The following MAP3K13 variants were observed in gnomAD, a reference collection of about 807,000 sequenced individuals.
MAP3K13 encodes leucine zipper-bearing kinase.
In MAP3K13, 52 loss-of-function variants were observed where a neutral mutation model predicts 104.0. That is an observed-to-expected ratio of 0.50 (90% confidence interval 0.40 to 0.63). MAP3K13 has a LOEUF of 0.63. Ranked by LOEUF, MAP3K13 falls within the 20% of genes least tolerant of loss-of-function variation. The probability of loss-of-function intolerance (pLI) is 0.00; values close to 1 mark genes in which losing one functional copy is unlikely to be tolerated. For missense variants in MAP3K13, 914 were observed against 1,218.5 expected (o/e 0.75, Z 3.72); for synonymous variants, 394 against 442.2 (o/e 0.89, Z 1.37).
At chr3:185,464,191 G>A (rs1312717584) in intron 8 of MAP3K13, among the ~76,000 whole-genome samples, 1 of 152,222 alleles carries the variant, frequency 6.6e-6, no homozygotes, top group Non-Finnish European at 1.5e-5. Context: ...AGGAGACAGA[G>A]GCATGAGAAT....
chr3:185,388,823 G>A (rs1711862667), intron 1 of MAP3K13, among the ~76,000 whole-genome samples: 1 of 152,154 alleles, frequency 6.6e-6, no homozygotes, highest in African/African-American at 2.4e-5. Context: ...CATGGTATTG[G>A]TATAAAAACA....
intron 1 of MAP3K13, among the ~76,000 whole-genome samples, chr3:185,367,419 T>TGAGCGAAAACATA (rs1220062997): frequency 2.0e-5 from 3 of 151,590 alleles, no homozygotes; most frequent in African/African-American, 7.3e-5. Context: ...GGAAAGAAAA[T>TGAGCGAAAACATA]GAGCGAAAAC....
intron 2 of MAP3K13, among the ~76,000 whole-genome samples, chr3:185,432,927 C>T (rs916247382): frequency 3.3e-5 from 5 of 152,134 alleles, no homozygotes; most frequent in African/African-American, 1.2e-4. Flanking sequence ...GAAAGGGTTT[C>T]GCTAGCCAGA....
chr3:185,393,009 G>A (rs376152869), intron 1 of MAP3K13, among the ~76,000 whole-genome samples: 3 of 151,960 alleles, frequency 2.0e-5, no homozygotes, highest in African/African-American at 4.8e-5. Context: ...CCGAGATCAC[G>A]CCACTGCACT....
At chr3:185,293,912 T>C (rs977205998) in intron 2 of MAP3K13, among the ~76,000 whole-genome samples, 19 of 152,378 alleles carry the variant, frequency 1.2e-4, no homozygotes, top group African/African-American at 4.3e-4. Context: ...ATATGCCTTA[T>C]GGATATTTAA....
chr3:185,418,045 T>C lies in MAP3K13; in HGVS notation c.-85-10452T>C. On this transcript the variant is annotated intron_variant, in intron 1 of 13. Coordinates refer to ENST00000265026, the MANE Select transcript of MAP3K13 (RefSeq NM_004721.5). This position sits in a 1 kb window ranked among gnomAD's most constrained non-coding sequence, Gnocchi z 4.5. ...AGTCCAAATGCAGAAACGTCCCACA[T>C]GCCCACCAGGAGCAAGCTTCAAAAT... The C allele has an allele frequency of 6.2e-7, 1 of 1,611,946 alleles. No individual in the cohort carries two copies. Among genetic ancestry groups the C allele is most frequent in the South Asian group, 1.1e-5 (1 of 90,994 alleles).
At chr3:185,380,210 C>G (rs1300712525) in intron 1 of MAP3K13, among the ~76,000 whole-genome samples, 1 of 107,986 alleles carries the variant, frequency 9.3e-6, no homozygotes, top group Non-Finnish European at 2.0e-5. Context: ...AACAAAAAAA[C>G]AGAAGAAGTG....
At chr3:185,459,842 C>A (rs187632346) in intron 7 of MAP3K13, among the ~76,000 whole-genome samples, 14 of 152,240 alleles carry the variant, frequency 9.2e-5, no homozygotes, top group Non-Finnish European at 1.5e-4. Context: ...CAAAAATTTT[C>A]ATCACCTCAT....
At chr3:185,439,963 T>G (rs900025594) in intron 3 of MAP3K13, among the ~76,000 whole-genome samples, 3 of 152,194 alleles carry the variant, frequency 2.0e-5, no homozygotes, top group African/African-American at 7.2e-5. Context: ...ATGTGTTGCT[T>G]GGCCAATGAA....
intron 2 of MAP3K13, among the ~76,000 whole-genome samples, chr3:185,332,587 C>A (rs1722326573): frequency 6.6e-6 from 1 of 152,184 alleles, no homozygotes. Flanking sequence ...TACCATTCTA[C>A]TTTCTGTTTC....
intron 2 of MAP3K13, among the ~76,000 whole-genome samples, chr3:185,340,099 A>G (rs1722665875): frequency 6.6e-6 from 1 of 152,040 alleles, no homozygotes; most frequent in African/African-American, 2.4e-5. Flanking sequence ...AAAATGTTTT[A>G]GGTCTTGTTT....
In MAP3K13 at chr3:185,454,974, T is replaced by TG. The variant is rs1483159307; in HGVS notation, c.1278+3579_1278+3580insG. On this transcript the variant is annotated intron_variant, in intron 7 of 13. Transcript: ENST00000265026. ...ATATGATATATATATGAGATATATATATGATATATATGAGATATATATGAT... is the reference window on the plus strand; with the variant it reads ...ATATGATATATATATGAGATATATATGATGATATATATGAGATATATATGAT... Among the ~76,000 whole-genome samples, 76 of 60,442 alleles carry TG rather than the reference T, an allele frequency of 1.3e-3. 1 individual carries two copies. The highest frequency in any genetic ancestry group is 1.5e-3 in the African/African-American group (34 of 22,310). The allele number at this position is 60,442 out of a possible 152,430, so 39.7% of individuals were successfully genotyped here. A position where few individuals can be genotyped will look rare whatever the true frequency, so the allele number is the denominator to read the frequency against.
intron 1 of MAP3K13, among the ~76,000 whole-genome samples, chr3:185,368,885 G>T (rs1375978020): frequency 2.0e-5 from 3 of 151,796 alleles, no homozygotes; most frequent in African/African-American, 7.3e-5. Context: ...CTTGAACCCG[G>T]GAGGCAGAGG....
In MAP3K13 at chr3:185,480,278, T is replaced by G. The variant is rs1384867386; in HGVS notation, c.2548T>G (p.Ser850Ala). 6.2e-7 allele frequency: 1 copy of G among 1,614,202 alleles called. No individual in the cohort carries two copies. Among genetic ancestry groups the G allele is most frequent in the African/African-American group, 1.3e-5 (1 of 75,050 alleles). The change falls in exon 13 of 14, where the codon TCT becomes GCT. Residue 850 changes from serine to alanine, a missense_variant. This residue lies in a region of MAP3K13 where 583 missense variants were observed against 737.4 expected (regional missense o/e 0.79). Transcript: ENST00000265026. ...SSCQSYSTFS[S>A]ENFSVSDGEE... ...CTGCCAGTCATATTCAACCTTTAGC[T>G]CTGAGAATTTCTCTGTGTCTGATGG...
chr3:185,484,497 A>G lies in MAP3K13; in HGVS notation c.*2041A>G, dbSNP rs1718630512. On this transcript the variant is annotated 3_prime_UTR_variant, in exon 14 of 14. Coordinates refer to ENST00000265026, the MANE Select transcript of MAP3K13 (RefSeq NM_004721.5). The stretch of plus-strand genomic sequence containing the variant: ...AGCTGTTAAACCATTTCCAATGCAC[A>G]TGAAAATGTTGCCGCTCCTCTGGGT... 6.6e-6 allele frequency: 1 copy of G among 152,342 alleles called. No individual in the cohort carries two copies. Among genetic ancestry groups the G allele is most frequent in the East Asian group, 1.9e-4 (1 of 5,188 alleles). 9.4% of individuals were successfully genotyped at this position (152,342 alleles called of 1,614,324 possible).
chr3:185,384,801 A>G (rs1420185483), intron 1 of MAP3K13, among the ~76,000 whole-genome samples: 1 of 152,078 alleles, frequency 6.6e-6, no homozygotes, highest in African/African-American at 2.4e-5. Context: ...TGGGATTATT[A>G]TTATTAGTTT....
At chr3:185,352,461 GA>G (rs1238836071) in intron 2 of MAP3K13, among the ~76,000 whole-genome samples, 2 of 151,604 alleles carry the variant, frequency 1.3e-5, no homozygotes, top group Non-Finnish European at 2.9e-5. Flanking sequence ...AAAAAAAAAA[GA>G]AAAAAAGTAG....
At chr3:185,356,542 C>T (rs1000463518) in intron 2 of MAP3K13, among the ~76,000 whole-genome samples, 15 of 152,084 alleles carry the variant, frequency 9.9e-5, no homozygotes, top group African/African-American at 3.4e-4. Flanking sequence ...TTCCTCTGCC[C>T]GATATATGGA....
chr3:185,373,031 A>G (rs9847739), intron 1 of MAP3K13, among the ~76,000 whole-genome samples: 72,785 of 151,982 alleles, frequency 0.48, 19,268 homozygotes, highest in Middle Eastern at 0.63. Context: ...TTACATTGAC[A>G]AATAGTTATG....
Sources: gnomAD v4.1 joint callset for allele counts (sites outside exome capture counted in the v4.1 genomes callset) on GRCh38, gnomAD v4.1.1 for gene constraint, gnomAD v4.1.1 regional missense constraint, Gnocchi (gnomAD v3.1) non-coding constraint, MANE v1.5 for transcripts, NCBI Gene and HGNC (gene_info 2026-07-23, HGNC 2026-07-21) for gene names.